The following KCNH2 variants were observed in gnomAD, a reference collection of about 807,000 sequenced individuals.
KCNH2 encodes potassium voltage-gated channel subfamily H member 2.
A neutral mutation model predicts 95.9 loss-of-function variants in KCNH2; 35 were observed. That is an observed-to-expected ratio of 0.37 (90% confidence interval 0.28 to 0.48). The LOEUF (loss-of-function observed/expected upper bound fraction) is 0.48, where lower values mean the gene tolerates loss of function less well. Among genes scored for constraint, KCNH2 ranks in the 20% least tolerant of loss-of-function variants. KCNH2 has a pLI of 0.99. For missense variants in KCNH2, 1,274 were observed against 1,702.9 expected, an observed-to-expected ratio of 0.75 and a Z score of 4.43; for synonymous variants, 786 against 754.7, an observed-to-expected ratio of 1.04 and a Z score of -0.68.
At chr7:150,956,627 G>T (rs1801385174) in intron 5 of KCNH2, among the ~76,000 whole-genome samples, 1 of 152,102 alleles carries the variant, frequency 6.6e-6, no homozygotes, top group South Asian at 2.1e-4. Flanking sequence ...GCTGGCTAAT[G>T]CCCCCAAGGC....
intron 2 of KCNH2, among the ~76,000 whole-genome samples, chr7:150,974,121 G>A (rs1801907184): frequency 6.6e-6 from 1 of 152,188 alleles, no homozygotes; most frequent in Admixed American, 6.5e-5. Flanking sequence ...GCAGGGCGGG[G>A]CGCTCGACAG....
intron 2 of KCNH2, among the ~76,000 whole-genome samples, chr7:150,971,678 G>A (rs961455422): frequency 6.6e-6 from 1 of 151,910 alleles, no homozygotes; most frequent in South Asian, 2.1e-4. Context: ...CACCAGAGAG[G>A]AGATAAAGAC....
At chr7:150,950,080 AGCCCCAGTGACTGCATATTCAGAAGGCTC>A in intron 9 of KCNH2, 59 bp downstream of exon 9, 2 of 1,612,966 alleles carry the variant, frequency 1.2e-6, no homozygotes, top group Non-Finnish European at 1.7e-6. Flanking sequence ...CCAGGTCCAC[AGCCCCAGTGACTGCATATTCAGAAGGCTC>A]GCACCTCTTG....
Position 150,957,191 on chromosome 7 carries a change from C to G in KCNH2, c.1128+100G>C, listed in dbSNP as rs1801401682. 9.8e-6 allele frequency: 10 copies of G among 1,018,456 alleles called. No homozygotes were observed. The South Asian group carries it at 1.4e-4, about 14-fold the overall frequency. 63.1% of individuals were successfully genotyped at this position (1,018,456 alleles called of 1,614,324 possible). A position where few individuals can be genotyped will look rare whatever the true frequency, so the allele number is the denominator to read the frequency against. On this transcript the variant is annotated intron_variant, in intron 5 of 14. Transcript: ENST00000262186. ...TCTGCCTCCCTCCAAGAGGCCCTCA[C>G]TGGCTAGCCCCCTCCACCCGGCTCT...
intron 2 of KCNH2, among the ~76,000 whole-genome samples, chr7:150,972,151 A>G (rs1801856266): frequency 6.6e-6 from 1 of 152,148 alleles, no homozygotes; most frequent in East Asian, 1.9e-4. Flanking sequence ...CAACTAAATA[A>G]TGGGGCTGTC....
chr7:150,948,425 C>A lies in KCNH2; in HGVS notation c.2692+19G>T. The A allele has an allele frequency of 9.0e-6, 13 of 1,436,748 alleles. No homozygotes were observed. The highest frequency in any genetic ancestry group is 2.3e-5 in the East Asian group (1 of 43,466). 89.0% of individuals were successfully genotyped at this position (1,436,748 alleles called of 1,614,324 possible). ...CACCTTGTCCCCGCCCTCCCCCTTC[C>A]TCCCCTCCCCCGCCTCACCCTTGTC... On this transcript the variant is annotated intron_variant, in intron 11 of 14. Coordinates refer to ENST00000262186, the MANE Select transcript of KCNH2 (RefSeq NM_000238.4).
chr7:150,960,566 A>G (rs1801538210), intron 2 of KCNH2, among the ~76,000 whole-genome samples: 1 of 152,224 alleles, frequency 6.6e-6, no homozygotes, highest in African/African-American at 2.4e-5. Flanking sequence ...CAAAAACTTT[A>G]CAGCAATTTG....
chr7:150,978,074 T>TCGGCTCC lies in KCNH2; in HGVS notation c.-168_-162dup, dbSNP rs1222154049. 6 of 218,464 alleles carry TCGGCTCC rather than the reference T, an allele frequency of 2.7e-5. No individual in the cohort carries two copies. The highest frequency in any genetic ancestry group is 1.4e-4 in the African/African-American group (6 of 41,738). The allele number at this position is 218,464 out of a possible 1,614,324, so 13.5% of individuals were successfully genotyped here. A position where few individuals can be genotyped will look rare whatever the true frequency, so the allele number is the denominator to read the frequency against. On this transcript the variant is annotated 5_prime_UTR_variant, in exon 1 of 15. Transcript: ENST00000262186. ...TGGACTGCGGGCGCCGGGTCCTCGC[T>TCGGCTCC]CGGCTCCCGGCTCCCCGCTCCGGAC...
At chr7:150,949,698 G>T in intron 9 of KCNH2, 1 of 1,170,960 alleles carries the variant, frequency 8.5e-7, no homozygotes, top group Non-Finnish European at 1.1e-6. Context: ...TCAGTGTCCA[G>T]ACACACCAAC....
chr7:150,968,203 CTT>C, intron 2 of KCNH2, among the ~76,000 whole-genome samples: 2 of 152,172 alleles, frequency 1.3e-5, no homozygotes, highest in Non-Finnish European at 2.9e-5. Context: ...CATGGCAGTA[CTT>C]AGTTAAGTGT....
In KCNH2 at chr7:150,946,949, A is replaced by AT. The variant is rs1452575772; in HGVS notation, c.3257_3258insA (p.Gly1087TrpfsTer32). 6.2e-7 allele frequency: 1 copy of AT among 1,603,598 alleles called. No homozygotes were observed. On this transcript the variant is annotated frameshift_variant, in exon 14 of 15. Transcript: ENST00000262186. LOFTEE classifies it high-confidence loss of function. This position sits in a 1 kb window ranked among gnomAD's most constrained non-coding sequence, Gnocchi z 6.5. ...ACAGCGGGGATGTGGAAGTGGGGCC[A>AT]GGCCCCGGGGTGGTCACAGCACTGT...
chr7:150,948,541 G>A lies in KCNH2; in HGVS notation c.2595C>T (p.Thr865=), dbSNP rs762327995. 3.0e-5 allele frequency: 49 copies of A among 1,613,204 alleles called. No homozygotes were observed. Among genetic ancestry groups the A allele is most frequent in the Non-Finnish European group, 3.9e-5 (46 of 1,179,808 alleles). ...SLEITFNLRD[T]NMIPGSPGST... ...TGCCGGGGGAGCCCGGGATCATGTT[G>A]GTCTGGAACCAAAATCAGTATCAGG... The change falls in exon 11 of 15, where the codon ACC becomes ACT. Residue 865 remains threonine (T), a splice_region_variant and synonymous_variant. Transcript: ENST00000262186.
chr7:150,947,591 C>CGTCGCCCGGGATACCTGACAGGGGGT lies in KCNH2; in HGVS notation c.2954_2965+14dup. 1 of 1,611,484 alleles carries CGTCGCCCGGGATACCTGACAGGGGGT rather than the reference C, an allele frequency of 6.2e-7. No individual in the cohort carries two copies. The highest frequency in any genetic ancestry group is 8.5e-7 in the Non-Finnish European group (1 of 1,179,012). On this transcript the variant is annotated intron_variant, in intron 12 of 14. Coordinates refer to ENST00000262186, the MANE Select transcript of KCNH2 (RefSeq NM_000238.4). ...CACGCCCGGTCCTCCCTCGCCCGCC[C>CGTCGCCCGGGATACCTGACAGGGGGT]GTCGCCCGGGATACCTGACAGGGGG... is the stretch of plus-strand genomic sequence containing the variant.
rs1801562031 is a variant in KCNH2 at position 150,961,331 on chromosome 7, T to C, written c.308-1595A>G. On this transcript the variant is annotated intron_variant, in intron 2 of 14. Transcript: ENST00000262186. The surrounding 1 kb of genome is among the most constrained non-coding windows in gnomAD (Gnocchi z 6.2). ...TTTTTTTTCTGAGACAGGGTTTCAC[T>C]CTGTCACCCAGGGTGGAGTGCAGCG... 2.1e-5 allele frequency among the ~76,000 whole-genome samples: 3 copies of C among 145,488 alleles called. No homozygotes were observed. The South Asian group carries it at 6.4e-4, about 31-fold the overall frequency.
intron 2 of KCNH2, among the ~76,000 whole-genome samples, chr7:150,970,122 C>T (rs3807375): frequency 0.49 from 75,093 of 151,972 alleles, 20,473 homozygotes; most frequent in East Asian, 0.78. Context: ...AAAAGGAGCA[C>T]TCTAAACGCA....
chr7:150,969,511 G>A (rs59290555), intron 2 of KCNH2, among the ~76,000 whole-genome samples: 3,024 of 152,134 alleles, frequency 0.02, 91 homozygotes, highest in African/African-American at 0.068. Context: ...CAATGTCCAC[G>A]CAAAGCAAGG....
rs573180363 is a variant in KCNH2 at position 150,949,126 on chromosome 7, C to T, written c.2399-77G>A. On this transcript the variant is annotated intron_variant, in intron 9 of 14. Transcript: ENST00000262186. ...GCAGCAGGCACCTTCTCCCGGCATCCCCACCCCGGGCAGAGCATGTCCCCT... is the reference window on the plus strand; with the variant it reads ...GCAGCAGGCACCTTCTCCCGGCATCTCCACCCCGGGCAGAGCATGTCCCCT... 1,270 of 1,376,172 alleles carry T rather than the reference C, an allele frequency of 9.2e-4. 22 individuals are homozygous for T. In the South Asian group the frequency reaches 0.014, roughly 16 times the overall value. The allele number at this position is 1,376,172 out of a possible 1,614,324, so 85.2% of individuals were successfully genotyped here.
At position 150,950,992 on chromosome 7, in the gene KCNH2, G is replaced by C; in HGVS notation, c.2074C>G (p.Pro692Ala). 6.2e-7 allele frequency: 1 copy of C among 1,614,256 alleles called. No individual in the cohort carries two copies. The highest frequency in any genetic ancestry group is 1.3e-5 in the African/African-American group (1 of 75,080). ...EFIRFHQIPN[P>A]LRQRLEEYFQ... Reference sequence around the variant, plus strand: ...TACTCCTCGAGGCGCTGGCGCAGGGGATTGGGGATCTGGTGGAAGCGGATG... The same window carrying C: ...TACTCCTCGAGGCGCTGGCGCAGGGCATTGGGGATCTGGTGGAAGCGGATG... Residue 692 changes from proline to alanine, a missense_variant, in exon 8 of 15, where the codon CCC becomes GCC. Pro to Ala is a conservative substitution (Grantham distance 27). Transcript: ENST00000262186.
At position 150,964,297 on chromosome 7, in the gene KCNH2, G is replaced by A. The variant is rs1332655656; in HGVS notation, c.308-4561C>T. Among the ~76,000 whole-genome samples the A allele has an allele frequency of 2.6e-5, 4 of 152,276 alleles. No homozygotes were observed. The East Asian group carries it at 5.8e-4, about 22-fold the overall frequency. On this transcript the variant is annotated intron_variant, in intron 2 of 14. Coordinates refer to ENST00000262186, the MANE Select transcript of KCNH2 (RefSeq NM_000238.4). ...CCTCTGCAAATCACTAAGCACATCC[G>A]TGCCTGCGAAGTGTTGAGCCACCGT...
Sources: allele counts gnomAD v4.1 joint callset (sites outside exome capture counted in the v4.1 genomes callset), GRCh38; gene constraint gnomAD v4.1.1; non-coding constraint Gnocchi (gnomAD v3.1); transcripts MANE v1.5; gene names NCBI Gene and HGNC (gene_info 2026-07-23, HGNC 2026-07-21).